Variants in TENM4 observed in about 807,000 individuals in gnomAD.
TENM4 encodes the protein teneurin transmembrane protein 4, also known as teneurin-4.
TENM4 carries 82 observed loss-of-function variants against 243.3 expected under a neutral mutation model. The ratio of observed to expected loss-of-function variants is 0.34; its 90% CI spans 0.28 to 0.40. The LOEUF is 0.40. Ranked by LOEUF, TENM4 falls within the 10% of genes least tolerant of loss-of-function variation. The probability of loss-of-function intolerance (pLI) is 1.00; values close to 1 mark genes in which losing one functional copy is unlikely to be tolerated. For missense variants in TENM4, 3,138 were observed against 3,673.3 expected (o/e 0.85, Z 3.77); for synonymous variants, 1,412 against 1,456.3 (o/e 0.97, Z 0.69).
intron 17 of TENM4, among the ~76,000 whole-genome samples, chr11:78,778,313 G>A (rs1309793544): frequency 2.1e-5 from 2 of 96,304 alleles, no homozygotes; most frequent in Non-Finnish European, 3.6e-5. Context: ...AGTGAAAGGT[G>A]TATGTATGTG....
At chr11:79,419,973 G>T (rs1417074050) in intron 1 of TENM4, among the ~76,000 whole-genome samples, 1 of 152,216 alleles carries the variant, frequency 6.6e-6, no homozygotes, top group Non-Finnish European at 1.5e-5. Context: ...GTGTGTGTGA[G>T]TGAGAGAGAG....
chr11:79,034,384 C>A (rs1859322115), intron 6 of TENM4, among the ~76,000 whole-genome samples: 1 of 152,136 alleles, frequency 6.6e-6, no homozygotes, highest in Non-Finnish European at 1.5e-5. Context: ...ACTAGTGTAA[C>A]CACAAATGCT....
intron 6 of TENM4, among the ~76,000 whole-genome samples, chr11:79,049,372 C>A (rs950387893): frequency 2.0e-5 from 3 of 152,234 alleles, no homozygotes; most frequent in African/African-American, 7.2e-5. Context: ...TATAATCACT[C>A]TCTAAGAGTT....
chr11:79,437,905 C>T (rs1859311625), intron 1 of TENM4, among the ~76,000 whole-genome samples: 1 of 152,202 alleles, frequency 6.6e-6, no homozygotes, highest in Non-Finnish European at 1.5e-5. Flanking sequence ...GGTCAAGGCG[C>T]GGCCGGCTGG....
At chr11:78,729,272 T>C (rs1855595180) in intron 22 of TENM4, 104 bp downstream of exon 22, 5 of 1,262,992 alleles carry the variant, frequency 4.0e-6, no homozygotes, top group Non-Finnish European at 5.4e-6. Flanking sequence ...AAGCCTTAGG[T>C]ATTTTTGATC....
At chr11:79,382,462 A>G (rs1316578629) in intron 1 of TENM4, among the ~76,000 whole-genome samples, 1 of 152,158 alleles carries the variant, frequency 6.6e-6, no homozygotes, top group African/African-American at 2.4e-5. Context: ...ATGAGCAAAC[A>G]TGGAGTTCTC....
Position 78,676,241 on chromosome 11 carries a change from G to A in TENM4, c.5407C>T (p.Pro1803Ser), listed in dbSNP as rs1011568972. 3 of 1,609,400 alleles carry A rather than the reference G, an allele frequency of 1.9e-6. No homozygotes were observed. In the African/African-American group the frequency reaches 4.0e-5, roughly 21 times the overall value. ...PTVGKRNVTL[P>S]IDNGLNLVEW... Reference sequence around the variant, plus strand: ...ACCAGGTTGAGGCCGTTGTCGATGGGCAGCGTGACATTCCTCTTGCCCACG... The same window carrying A: ...ACCAGGTTGAGGCCGTTGTCGATGGACAGCGTGACATTCCTCTTGCCCACG... Residue 1803 changes from proline (P) to serine (S), a missense_variant, in exon 30 of 34, where the codon CCC becomes TCC. By Grantham distance (74) the Pro-to-Ser change is moderately conservative (BLOSUM62 -1). Around this residue, in one of 2 missense-constraint regions of TENM4, gnomAD observed 2,467 missense variants for 3,059.1 expected, o/e 0.81. Coordinates refer to ENST00000278550, the MANE Select transcript of TENM4 (RefSeq NM_001098816.3).
rs1555098074 is a variant in TENM4 at position 78,895,005 on chromosome 11, A to AAAAAAG, written c.750-3670_750-3669insCTTTTT. Among the ~76,000 whole-genome samples, 101 of 118,022 alleles carry AAAAAAG rather than the reference A, an allele frequency of 8.6e-4. 8 individuals are homozygous for AAAAAAG. The highest frequency in any genetic ancestry group is 1.4e-3 in the Non-Finnish European group (80 of 57,488). The allele number at this position is 118,022 out of a possible 152,430, so 77.4% of individuals were successfully genotyped here. ...AAAAAAAAAAAAAAAAAAAAAAAAAAAAGAAGACAATTCTGGCTATTCAGA... is the reference window on the plus strand; with the variant it reads ...AAAAAAAAAAAAAAAAAAAAAAAAAAAAAAAGAAGAAGACAATTCTGGCTATTCAGA... On this transcript the variant is annotated intron_variant, in intron 7 of 33. Coordinates refer to ENST00000278550, the MANE Select transcript of TENM4 (RefSeq NM_001098816.3).
intron 1 of TENM4, among the ~76,000 whole-genome samples, chr11:79,313,010 C>T (rs935494563): frequency 2.0e-5 from 3 of 152,152 alleles, no homozygotes; most frequent in African/African-American, 4.8e-5. Context: ...CCAGGAAACC[C>T]CATCCCTAGT....
intron 6 of TENM4, among the ~76,000 whole-genome samples, chr11:79,013,162 A>G: frequency 6.6e-6 from 1 of 152,150 alleles, no homozygotes; most frequent in East Asian, 1.9e-4. Flanking sequence ...GGCAACATTC[A>G]GGGGGCACGA....
chr11:78,986,498 T>C (rs11237675), intron 6 of TENM4, among the ~76,000 whole-genome samples: 63,536 of 152,034 alleles, frequency 0.42, 15,245 homozygotes, highest in East Asian at 0.76. Context: ...GCATAGTAGT[T>C]AAAGGCTGTA....
chr11:79,054,000 A>C (rs866493495), intron 6 of TENM4, among the ~76,000 whole-genome samples: 1 of 152,162 alleles, frequency 6.6e-6, no homozygotes, highest in Non-Finnish European at 1.5e-5. Context: ...GCCCATTGCT[A>C]TCTGCTCTGG....
At chr11:78,850,770 G>A (rs2136195523) in intron 12 of TENM4, among the ~76,000 whole-genome samples, 1 of 152,284 alleles carries the variant, frequency 6.6e-6, no homozygotes, top group East Asian at 1.9e-4. Context: ...CAGAGCCTGT[G>A]CTAAGCACTT....
intron 3 of TENM4, among the ~76,000 whole-genome samples, chr11:79,211,876 C>T (rs1007407328): frequency 5.9e-5 from 9 of 152,118 alleles, no homozygotes; most frequent in Admixed American, 2.6e-4. Flanking sequence ...TGCTTTAGGG[C>T]ATGCTGTGAA....
chr11:79,035,163 G>T (rs11237696), intron 6 of TENM4, among the ~76,000 whole-genome samples: 92,275 of 151,902 alleles, frequency 0.61, 31,124 homozygotes, highest in Non-Finnish European at 0.78. Context: ...CTGAATCCGG[G>T]TTCACTCCTC....
intron 32 of TENM4, among the ~76,000 whole-genome samples, chr11:78,664,186 A>C (rs530106246): frequency 1.5e-4 from 23 of 152,350 alleles, no homozygotes; most frequent in Non-Finnish European, 3.1e-4. Context: ...ATGGAGAAGA[A>C]TACAAAGTGT....
intron 4 of TENM4, among the ~76,000 whole-genome samples, chr11:79,077,389 A>G (rs1340010289): frequency 6.6e-6 from 1 of 152,212 alleles, no homozygotes; most frequent in Non-Finnish European, 1.5e-5. Context: ...AAGAATGTCA[A>G]GTAAAAGACG....
intron 2 of TENM4, among the ~76,000 whole-genome samples, chr11:79,237,638 C>G (rs1386426949): frequency 1.3e-5 from 2 of 152,202 alleles, no homozygotes; most frequent in Admixed American, 6.5e-5. Flanking sequence ...GTTCGTACCA[C>G]TGCACTCCAG....
intron 16 of TENM4, among the ~76,000 whole-genome samples, chr11:78,783,623 G>A (rs1194703739): frequency 9.2e-5 from 14 of 152,184 alleles, no homozygotes; most frequent in Admixed American, 9.2e-4. Flanking sequence ...TTTTACCAAA[G>A]ACCCTTCTTC....
Sources: allele counts gnomAD v4.1 joint callset (sites outside exome capture counted in the v4.1 genomes callset), GRCh38; gene constraint gnomAD v4.1.1; regional missense constraint gnomAD v4.1.1; transcripts MANE v1.5; gene names NCBI Gene and HGNC (gene_info 2026-07-23, HGNC 2026-07-21).